The following THSD7A variants were observed in gnomAD, a reference collection of about 807,000 sequenced individuals.
THSD7A encodes thrombospondin type-1 domain-containing protein 7A.
A neutral mutation model predicts 231.3 loss-of-function variants in THSD7A; 96 were observed. The ratio of observed to expected loss-of-function variants is 0.41; its 90% CI spans 0.35 to 0.49. THSD7A has a LOEUF of 0.49. THSD7A is among the 20% of genes least tolerant of loss of function. THSD7A has a pLI of 0.05. For synonymous variants in THSD7A, 940 were observed against 743.3 expected (o/e 1.26, Z -4.30); for missense variants, 2,290 against 2,070.2 (o/e 1.11, Z -2.06).
At chr7:11,664,750 C>T (rs1783056424) in intron 1 of THSD7A, among the ~76,000 whole-genome samples, 2 of 151,904 alleles carry the variant, frequency 1.3e-5, no homozygotes, top group African/African-American at 4.8e-5. Context: ...CTTTTTCTAA[C>T]CTCTGAATGC....
chr7:11,589,722 T>C lies in THSD7A; in HGVS notation c.1453+738A>G, dbSNP rs76613014. Among the ~76,000 whole-genome samples the C allele has an allele frequency of 2.6e-3, 395 of 152,348 alleles. 2 individuals carry two copies. The highest frequency in any genetic ancestry group is 9.0e-3 in the African/African-American group (375 of 41,586). On this transcript the variant is annotated intron_variant, in intron 4 of 27. Coordinates refer to ENST00000423059, the MANE Select transcript of THSD7A (RefSeq NM_015204.3). ...GGAGGATAAAGACTGCTTACAGTAC[T>C]GCTTAAAGATGTTCATATTTGTGTG...
chr7:11,788,358 A>G (rs1470934761), intron 1 of THSD7A, among the ~76,000 whole-genome samples: 1 of 151,986 alleles, frequency 6.6e-6, no homozygotes, highest in African/African-American at 2.4e-5. Flanking sequence ...CTTAGCTCGT[A>G]TATGTTCTTC....
intron 6 of THSD7A, among the ~76,000 whole-genome samples, chr7:11,484,286 G>A (rs929978915): frequency 5.9e-5 from 9 of 151,990 alleles, no homozygotes; most frequent in Admixed American, 6.6e-5. Context: ...GAAGCTTTAT[G>A]TTCTGGCCAT....
chr7:11,772,827 T>C (rs1040624561), intron 1 of THSD7A, among the ~76,000 whole-genome samples: 1 of 152,180 alleles, frequency 6.6e-6, no homozygotes, highest in Non-Finnish European at 1.5e-5. Flanking sequence ...AACTTACCTA[T>C]GTACCAAACC....
intron 6 of THSD7A, among the ~76,000 whole-genome samples, chr7:11,540,165 C>A (rs776349009): frequency 6.6e-6 from 1 of 152,020 alleles, no homozygotes; most frequent in African/African-American, 2.4e-5. Context: ...TTATGCTTAT[C>A]GTAGCAAAAA....
Position 11,474,686 on chromosome 7 carries a change from A to AAG in THSD7A, c.2018-120_2018-119dup, listed in dbSNP as rs1486438437. ...AAAAGTGACTTTTCTTCCCCACATC[A>AAG]AGTTCATAAATACACGCAATATTTA... On this transcript the variant is annotated intron_variant, in intron 7 of 27. Coordinates refer to ENST00000423059, the MANE Select transcript of THSD7A (RefSeq NM_015204.3). This position sits in a 1 kb window ranked among gnomAD's most constrained non-coding sequence, Gnocchi z 4.1. The AAG allele has an allele frequency of 5.2e-6, 4 of 763,432 alleles. No individual in the cohort carries two copies. The African/African-American group carries it at 7.0e-5, about 13-fold the overall frequency. The allele number at this position is 763,432 out of a possible 1,614,324, so 47.3% of individuals were successfully genotyped here.
At chr7:11,553,912 T>C (rs7811211) in intron 4 of THSD7A, among the ~76,000 whole-genome samples, 26,197 of 151,858 alleles carry the variant, frequency 0.17, 2,278 homozygotes, top group East Asian at 0.19. Flanking sequence ...ATTCTGAAGA[T>C]ACACATACTA....
intron 13 of THSD7A, among the ~76,000 whole-genome samples, chr7:11,438,395 C>A (rs367711747): frequency 4.6e-5 from 7 of 151,824 alleles, no homozygotes; most frequent in African/African-American, 1.7e-4. Context: ...ATAGTGCAAA[C>A]TGGTATGAAA....
intron 1 of THSD7A, among the ~76,000 whole-genome samples, chr7:11,650,990 A>AG (rs1782478966): frequency 6.6e-6 from 1 of 152,034 alleles, no homozygotes; most frequent in Non-Finnish European, 1.5e-5. Context: ...AGGTGCTGTG[A>AG]TAGGCAAGCA....
intron 6 of THSD7A, among the ~76,000 whole-genome samples, chr7:11,538,747 AC>A (rs1449160100): frequency 6.6e-6 from 1 of 152,028 alleles, no homozygotes; most frequent in African/African-American, 2.4e-5. Context: ...CGACTCTCTT[AC>A]ATCCCTCTGT....
rs1782399836 is a variant in THSD7A at position 11,748,780 on chromosome 7, G to A, written c.190+82977C>T. ...AAATATTTTCTTATAAAATGAAATA[G>A]GGCAATAGTGATATACGAATAACAA... On this transcript the variant is annotated intron_variant, in intron 1 of 27. Coordinates refer to ENST00000423059, the MANE Select transcript of THSD7A (RefSeq NM_015204.3). Among the ~76,000 whole-genome samples, 2 of 151,688 alleles carry A rather than the reference G, an allele frequency of 1.3e-5. 1 individual carries two copies. Among genetic ancestry groups the A allele is most frequent in the South Asian group, 4.2e-4 (2 of 4,772 alleles).
chr7:11,436,358 G>A (rs1367984480), intron 13 of THSD7A, among the ~76,000 whole-genome samples: 1 of 152,086 alleles, frequency 6.6e-6, no homozygotes, highest in East Asian at 1.9e-4. Context: ...TGCAAAGGAT[G>A]ATCTTTAAAC....
chr7:11,508,343 G>C (rs1787645455), intron 6 of THSD7A, among the ~76,000 whole-genome samples: 1 of 151,872 alleles, frequency 6.6e-6, no homozygotes, highest in Non-Finnish European at 1.5e-5. Flanking sequence ...TAATCATCAG[G>C]TAAATGCATA....
Position 11,715,311 on chromosome 7 carries a change from G to A in THSD7A, c.191-78350C>T, listed in dbSNP as rs189003014. ...AATGGAGATTCCAAGTTTATACATG[G>A]AAGACTATTCTACAAGGATACTCCA... On this transcript the variant is annotated intron_variant, in intron 1 of 27. Transcript: ENST00000423059. Among the ~76,000 whole-genome samples, 12 of 151,468 alleles carry A rather than the reference G, an allele frequency of 7.9e-5. No homozygotes were observed. The East Asian group carries it at 1.8e-3, about 22-fold the overall frequency.
intron 1 of THSD7A, chr7:11,821,115 C>G: frequency 9.5e-7 from 1 of 1,056,012 alleles, no homozygotes; most frequent in Non-Finnish European, 1.5e-6. Flanking sequence ...TTTTGGCTGC[C>G]TCTTGCTCAG....
chr7:11,765,893 TGA>T (rs1783015633), intron 1 of THSD7A, among the ~76,000 whole-genome samples: 3 of 152,292 alleles, frequency 2.0e-5, no homozygotes, highest in African/African-American at 7.2e-5. Context: ...AATAATTATC[TGA>T]GTCTGAATTC....
chr7:11,795,167 T>C (rs1399227399), intron 1 of THSD7A, among the ~76,000 whole-genome samples: 1 of 151,898 alleles, frequency 6.6e-6, no homozygotes, highest in Non-Finnish European at 1.5e-5. Flanking sequence ...TCTTTCTGTT[T>C]CAAAAAATTA....
chr7:11,385,880 C>A (rs868647496), intron 23 of THSD7A, among the ~76,000 whole-genome samples: 23 of 152,176 alleles, frequency 1.5e-4, no homozygotes, highest in African/African-American at 5.3e-4. Flanking sequence ...ACCTCCACCC[C>A]CTCACAGGAA....
At position 11,636,618 on chromosome 7, in the gene THSD7A, C is replaced by T. The variant is rs769154325; in HGVS notation, c.534G>A (p.Glu178=). ...AAGCCTGCTCCAGGAGAGGCTTGGGCTCAAAGTACTCACAGATGATATCCT... is the reference window on the plus strand; with the variant it reads ...AAGCCTGCTCCAGGAGAGGCTTGGGTTCAAAGTACTCACAGATGATATCCT... ...PAEDIICEYF[E]PKPLLEQACL... Residue 178 remains glutamate (E), a synonymous_variant, in exon 2 of 28, where the codon GAG becomes GAA. Coordinates refer to ENST00000423059, the MANE Select transcript of THSD7A (RefSeq NM_015204.3). This position sits in a 1 kb window ranked among gnomAD's most constrained non-coding sequence, Gnocchi z 10.0. The T allele has an allele frequency of 1.2e-6, 2 of 1,613,968 alleles. No individual in the cohort carries two copies. Among genetic ancestry groups the T allele is most frequent in the East Asian group, 2.2e-5 (1 of 44,878 alleles).
Sources: gnomAD v4.1 joint callset for allele counts (sites outside exome capture counted in the v4.1 genomes callset) on GRCh38, gnomAD v4.1.1 for gene constraint, Gnocchi (gnomAD v3.1) non-coding constraint, MANE v1.5 for transcripts, NCBI Gene and HGNC (gene_info 2026-07-23, HGNC 2026-07-21) for gene names.